Variants in PAK2 observed in about 807,000 individuals in gnomAD.
PAK2 encodes p21 (RAC1) activated kinase 2, also known as serine/threonine-protein kinase PAK 2.
In PAK2, 21 loss-of-function variants were observed where a neutral mutation model predicts 65.9. That is an observed-to-expected ratio of 0.32 (90% CI 0.23 to 0.46). PAK2 has a LOEUF of 0.46. PAK2 is among the 20% of genes least tolerant of loss of function. The pLI is 1.00. For synonymous variants in PAK2, 204 were observed against 219.7 expected (o/e 0.93, Z 0.63); for missense variants, 324 against 642.6 (o/e 0.50, Z 5.36).
chr3:196,745,627 A>G (rs980255162), intron 1 of PAK2, among the ~76,000 whole-genome samples: 1 of 152,102 alleles, frequency 6.6e-6, no homozygotes. Context: ...AGCCTAACCA[A>G]CGTGGTGAAA....
intron 11 of PAK2, among the ~76,000 whole-genome samples, chr3:196,815,485 G>C (rs894341773): frequency 1.4e-5 from 2 of 140,256 alleles, no homozygotes; most frequent in Non-Finnish European, 3.1e-5. Context: ...GAGCAAGATT[G>C]TCTCAAAAAA....
chr3:196,790,641 A>G (rs1715036172), intron 2 of PAK2, among the ~76,000 whole-genome samples: 1 of 152,208 alleles, frequency 6.6e-6, no homozygotes, highest in Non-Finnish European at 1.5e-5. Context: ...CCAATGACGG[A>G]TGAATAACTT....
intron 13 of PAK2, among the ~76,000 whole-genome samples, chr3:196,823,845 C>A (rs1711736649): frequency 6.6e-6 from 1 of 151,670 alleles, no homozygotes; most frequent in African/African-American, 2.4e-5. Flanking sequence ...CACCTTGGCC[C>A]ACAGGCATAT....
At chr3:196,740,643 C>G (rs1014415279) in intron 1 of PAK2, among the ~76,000 whole-genome samples, 1 of 152,160 alleles carries the variant, frequency 6.6e-6, no homozygotes, top group African/African-American at 2.4e-5. Context: ...TGACTGTTTT[C>G]TCAGCTCCAG....
At chr3:196,757,029 ATTG>A (rs1484642194) in intron 1 of PAK2, among the ~76,000 whole-genome samples, 1 of 152,168 alleles carries the variant, frequency 6.6e-6, no homozygotes, top group African/African-American at 2.4e-5. Flanking sequence ...GGTAGCCCCT[ATTG>A]TTGTGTCATT....
At chr3:196,779,973 C>A (rs142593678) in intron 1 of PAK2, among the ~76,000 whole-genome samples, 1 of 152,240 alleles carries the variant, frequency 6.6e-6, no homozygotes, top group East Asian at 1.9e-4. Flanking sequence ...AATGTTGTTA[C>A]TAAGCTTTGT....
At position 196,820,923 on chromosome 3, in the gene PAK2, G is replaced by A. The variant is rs1868196; in HGVS notation, c.1350+356G>A. On this transcript the variant is annotated intron_variant, in intron 13 of 14. Coordinates refer to ENST00000327134, the MANE Select transcript of PAK2 (RefSeq NM_002577.4). The surrounding 1 kb of genome is among the most constrained non-coding windows in gnomAD (Gnocchi z 4.6). ...GGCGCAATCTCAGCTCACTGCAACCGCCACCTCCCAGGTTCAAGCGATCCT... is the reference window on the plus strand; with the variant it reads ...GGCGCAATCTCAGCTCACTGCAACCACCACCTCCCAGGTTCAAGCGATCCT... Among the ~76,000 whole-genome samples the A allele has an allele frequency of 0.38, 57,677 of 151,812 alleles. 11,430 individuals carry two copies. Among genetic ancestry groups the A allele is most frequent in the African/African-American group, 0.49 (20,383 of 41,382 alleles).
At chr3:196,815,253 G>C (rs1715972533) in intron 11 of PAK2, among the ~76,000 whole-genome samples, 1 of 151,964 alleles carries the variant, frequency 6.6e-6, no homozygotes, top group African/African-American at 2.4e-5. Context: ...CACTTTGGGA[G>C]GCCAAGGCAG....
chr3:196,794,588 GC>G (rs774015119), intron 2 of PAK2, among the ~76,000 whole-genome samples: 14 of 152,202 alleles, frequency 9.2e-5, no homozygotes, highest in Non-Finnish European at 1.9e-4. Flanking sequence ...CTGGCAGGAG[GC>G]CTGTCCCTGC....
chr3:196,767,090 G>A (rs6809369), intron 1 of PAK2, among the ~76,000 whole-genome samples: 9,553 of 147,722 alleles, frequency 0.065, 506 homozygotes, highest in African/African-American at 0.15. Context: ...GGCAGTATAT[G>A]GAGCTATTTT....
At chr3:196,778,596 A>T (rs1469033950) in intron 1 of PAK2, among the ~76,000 whole-genome samples, 1 of 152,212 alleles carries the variant, frequency 6.6e-6, no homozygotes, top group African/African-American at 2.4e-5. Flanking sequence ...CGTGATACGT[A>T]TGTCAAAACA....
intron 1 of PAK2, among the ~76,000 whole-genome samples, chr3:196,749,989 C>A (rs372533005): frequency 7.1e-6 from 1 of 141,384 alleles, no homozygotes; most frequent in Non-Finnish European, 1.5e-5. Flanking sequence ...CTGGCTATTT[C>A]TTTTTTTTTT....
rs998480874 is a variant in PAK2, at chr3:196,830,706, G to A, written c.*2301G>A. On this transcript the variant is annotated 3_prime_UTR_variant, in exon 15 of 15. Coordinates refer to ENST00000327134, the MANE Select transcript of PAK2 (RefSeq NM_002577.4). ...CTGGCTCTTTGGTTAAGGGAGCTAC[G>A]CTGTGGTTTATTCTTAAGTTACGTG... is the stretch of plus-strand genomic sequence containing the variant. The A allele has an allele frequency of 2.6e-5, 4 of 152,186 alleles. No homozygotes were observed. Among genetic ancestry groups the A allele is most frequent in the African/African-American group, 4.8e-5 (2 of 41,458 alleles). 9.4% of individuals were successfully genotyped at this position (152,186 alleles called of 1,614,324 possible). A position where few individuals can be genotyped will look rare whatever the true frequency, so the allele number is the denominator to read the frequency against.
chr3:196,763,538 G>T (rs942568354), intron 1 of PAK2, among the ~76,000 whole-genome samples: 3 of 152,118 alleles, frequency 2.0e-5, no homozygotes, highest in Admixed American at 6.6e-5. Flanking sequence ...AGAGGCACTA[G>T]ATCAGTAACT....
In PAK2 at chr3:196,820,615, T is replaced by A; in HGVS notation, c.1350+48T>A. 8.9e-7 allele frequency: 1 copy of A among 1,118,220 alleles called. No homozygotes were observed. The highest frequency in any genetic ancestry group is 1.3e-6 in the Non-Finnish European group (1 of 787,854). 69.3% of individuals were successfully genotyped at this position (1,118,220 alleles called of 1,614,324 possible). ...CTTGTTCAATGTTTTTCTTTGAAAC[T>A]CTTATTTAGAACTTGCACGTGCCTG... On this transcript the variant is annotated intron_variant, in intron 13 of 14. Coordinates refer to ENST00000327134, the MANE Select transcript of PAK2 (RefSeq NM_002577.4). The surrounding 1 kb of genome is among the most constrained non-coding windows in gnomAD (Gnocchi z 4.6).
chr3:196,818,290 G>A (rs556219965), intron 12 of PAK2, 134 bp downstream of exon 12: 4 of 531,964 alleles, frequency 7.5e-6, no homozygotes, highest in Non-Finnish European at 1.4e-5. Context: ...TGAAAACTGA[G>A]TGATCCTCTG....
rs535547279 is a variant in PAK2, at chr3:196,814,812, C to T, written c.1053+244C>T. On this transcript the variant is annotated intron_variant, in intron 11 of 14. Coordinates refer to ENST00000327134, the MANE Select transcript of PAK2 (RefSeq NM_002577.4). ...GAAGATCCAGATTCACAAGGAAATT[C>T]TGGTAGAGTGATGATGATCATTTAC... is the stretch of plus-strand genomic sequence containing the variant. Among the ~76,000 whole-genome samples, 334 of 152,208 alleles carry T rather than the reference C, an allele frequency of 2.2e-3. 2 individuals are homozygous for T. Among genetic ancestry groups the T allele is most frequent in the African/African-American group, 7.5e-3 (313 of 41,524 alleles).
At chr3:196,778,964 G>A (rs1490053816) in intron 1 of PAK2, among the ~76,000 whole-genome samples, 3 of 152,180 alleles carry the variant, frequency 2.0e-5, no homozygotes, top group African/African-American at 4.8e-5. Flanking sequence ...ATGACTTGTC[G>A]CTGGTGATGT....
chr3:196,788,616 G>A (rs1347835503), intron 2 of PAK2, among the ~76,000 whole-genome samples: 1 of 152,150 alleles, frequency 6.6e-6, no homozygotes, highest in Non-Finnish European at 1.5e-5. Context: ...CTCAAACCAT[G>A]GTATAGAATT....
Sources: allele counts gnomAD v4.1 joint callset (sites outside exome capture counted in the v4.1 genomes callset), GRCh38; gene constraint gnomAD v4.1.1; non-coding constraint Gnocchi (gnomAD v3.1); transcripts MANE v1.5; gene names NCBI Gene and HGNC (gene_info 2026-07-23, HGNC 2026-07-21).